The following SOX6 variants were observed in gnomAD, a reference collection of about 807,000 sequenced individuals.
SOX6 encodes the protein SRY-box transcription factor 6, also known as transcription factor SOX-6.
SOX6 carries 11 observed loss-of-function variants against 97.8 expected under a neutral mutation model. The observed-to-expected ratio is 0.11, with a 90% CI of 0.07 to 0.19. The LOEUF (loss-of-function observed/expected upper bound fraction) is 0.19, where lower values mean the gene tolerates loss of function less well. Ranked by LOEUF, SOX6 falls within the 10% of genes least tolerant of loss-of-function variation. SOX6 has a pLI of 1.00. For missense variants in SOX6, 810 were observed against 1,039.5 expected (o/e 0.78, Z 3.04); for synonymous variants, 360 against 371.4 (o/e 0.97, Z 0.35).
chr11:16,680,009 G>C (rs1007047625), intron 3 of SOX6, among the ~76,000 whole-genome samples: 2 of 152,180 alleles, frequency 1.3e-5, no homozygotes, highest in Non-Finnish European at 2.9e-5. Context: ...GTGATGGGGA[G>C]AATGGAACCA....
At chr11:16,044,088 G>T (rs1263534296) in intron 12 of SOX6, among the ~76,000 whole-genome samples, 2 of 152,018 alleles carry the variant, frequency 1.3e-5, no homozygotes, top group African/African-American at 2.4e-5. Flanking sequence ...TAGAGATGGG[G>T]TCTCACTATG....
intron 6 of SOX6, among the ~76,000 whole-genome samples, chr11:16,142,229 C>T (rs1364236144): frequency 6.6e-6 from 1 of 152,144 alleles, no homozygotes; most frequent in African/African-American, 2.4e-5. Flanking sequence ...ACTGCTGATA[C>T]CCAGGCAAAT....
intron 8 of SOX6, 151 bp downstream of exon 8, chr11:16,097,458 T>G (rs1848828807): frequency 2.8e-6 from 2 of 703,930 alleles, no homozygotes; most frequent in African/African-American, 1.8e-5. Flanking sequence ...CTCTTCTATT[T>G]GCATTACGAT....
intron 4 of SOX6, among the ~76,000 whole-genome samples, chr11:16,210,788 T>C (rs1590031892): frequency 6.6e-6 from 1 of 152,202 alleles, no homozygotes; most frequent in Admixed American, 6.5e-5. Context: ...AACCGACACA[T>C]ACTGTTTTCA....
chr11:15,986,468 T>A (rs1259130762), intron 14 of SOX6, 48 bp from the exon 15 acceptor site: 2 of 1,586,322 alleles, frequency 1.3e-6, no homozygotes, highest in African/African-American at 2.7e-5. Flanking sequence ...AGGCAACATA[T>A]TCTAGGCAAA....
intron 6 of SOX6, among the ~76,000 whole-genome samples, chr11:16,147,997 C>A (rs1242755043): frequency 6.6e-6 from 1 of 152,142 alleles, no homozygotes; most frequent in Non-Finnish European, 1.5e-5. Flanking sequence ...GTCAAAGCAT[C>A]TTTTTATACA....
At chr11:16,682,408 C>T (rs1286544948) in intron 3 of SOX6, among the ~76,000 whole-genome samples, 1 of 152,206 alleles carries the variant, frequency 6.6e-6, no homozygotes, top group African/African-American at 2.4e-5. Context: ...TCAGCTTCAT[C>T]CCTGGGATGC....
chr11:15,979,244 C>T (rs1358360806), intron 15 of SOX6, among the ~76,000 whole-genome samples: 1 of 151,584 alleles, frequency 6.6e-6, no homozygotes, highest in African/African-American at 2.4e-5. Flanking sequence ...TTCTTTCAAA[C>T]TCTGTATCCA....
At chr11:16,347,249 T>C (rs1181772839) in intron 1 of SOX6, among the ~76,000 whole-genome samples, 2 of 152,092 alleles carry the variant, frequency 1.3e-5, no homozygotes, top group African/African-American at 4.8e-5. Flanking sequence ...CTTCCTGGGA[T>C]CAAAACAACT....
At chr11:16,485,127 C>T (rs7937573) in intron 4 of SOX6, among the ~76,000 whole-genome samples, 147,179 of 152,238 alleles carry the variant, frequency 0.97, 71,356 homozygotes, top group East Asian at 1. Flanking sequence ...AGTTCACCTC[C>T]GCCAACATGT....
At chr11:15,987,099 T>C (rs1853871118) in intron 14 of SOX6, among the ~76,000 whole-genome samples, 1 of 152,230 alleles carries the variant, frequency 6.6e-6, no homozygotes, top group African/African-American at 2.4e-5. Flanking sequence ...AGGATAAGTA[T>C]TCACTTCTCT....
intron 4 of SOX6, among the ~76,000 whole-genome samples, chr11:16,523,893 T>C (rs1565171588): frequency 6.6e-6 from 1 of 152,128 alleles, no homozygotes; most frequent in Non-Finnish European, 1.5e-5. Context: ...AAGAAATGGA[T>C]AAATTCCTCA....
At chr11:16,252,583 AT>A (rs1013136914) in intron 3 of SOX6, 1 of 152,248 alleles carries the variant, frequency 6.6e-6, no homozygotes, top group Non-Finnish European at 1.5e-5. Flanking sequence ...TCAGAGGAAA[AT>A]TCCCGTGTGA....
intron 4 of SOX6, among the ~76,000 whole-genome samples, chr11:16,211,366 C>A (rs1852224169): frequency 6.6e-6 from 1 of 151,652 alleles, no homozygotes; most frequent in Admixed American, 6.6e-5. Context: ...AGCTAGGAGG[C>A]TTTTACAATA....
At chr11:16,701,773 C>CG (rs991618072) in intron 3 of SOX6, among the ~76,000 whole-genome samples, 13 of 3,202 alleles carry the variant, frequency 4.1e-3, no homozygotes, top group African/African-American at 0.015. Context: ...CGGAGGGGTT[C>CG]GGGGGGGTGG....
intron 6 of SOX6, among the ~76,000 whole-genome samples, chr11:16,166,890 A>T (rs1157515570): frequency 1.3e-5 from 2 of 152,204 alleles, no homozygotes; most frequent in African/African-American, 4.8e-5. Context: ...CAAGTTTATT[A>T]ACTAGTACAA....
chr11:16,565,023 G>A (rs1257513897), intron 4 of SOX6, among the ~76,000 whole-genome samples: 1 of 151,926 alleles, frequency 6.6e-6, no homozygotes, highest in Non-Finnish European at 1.5e-5. Context: ...CAAAAAATTG[G>A]TTCTTTGAAA....
intron 3 of SOX6, among the ~76,000 whole-genome samples, chr11:16,705,981 A>C (rs1848129428): frequency 6.8e-6 from 1 of 147,588 alleles, no homozygotes. Context: ...AGTCCTTCCT[A>C]ATCAGTAATT....
intron 9 of SOX6, among the ~76,000 whole-genome samples, chr11:16,062,382 G>T (rs558478314): frequency 6.6e-6 from 1 of 151,740 alleles, no homozygotes; most frequent in Admixed American, 6.6e-5. Context: ...TTACATAAGG[G>T]TCTACAAAAA....
Sources: gnomAD v4.1 joint callset for allele counts (sites outside exome capture counted in the v4.1 genomes callset) on GRCh38, gnomAD v4.1.1 for gene constraint, MANE v1.5 for transcripts, NCBI Gene and HGNC (gene_info 2026-07-23, HGNC 2026-07-21) for gene names.